Variants in IFT140 observed in about 807,000 individuals in gnomAD.
IFT140 encodes the protein intraflagellar transport 140.
IFT140 carries 133 observed loss-of-function variants against 164.6 expected under a neutral mutation model. The ratio of observed to expected loss-of-function variants is 0.81; its 90% CI spans 0.70 to 0.93. The LOEUF is 0.93. IFT140 is among the 40% of genes least tolerant of loss of function. The pLI, the probability that IFT140 is intolerant of heterozygous loss-of-function variation, is 0.00. For missense variants in IFT140, 2,045 were observed against 1,972.3 expected, an observed-to-expected ratio of 1.04 and a Z score of -0.70; for synonymous variants, 860 against 817.3, an observed-to-expected ratio of 1.05 and a Z score of -0.89.
intron 9 of IFT140, among the ~76,000 whole-genome samples, chr16:1,586,932 C>T (rs1298884202): frequency 6.6e-6 from 1 of 152,178 alleles, no homozygotes; most frequent in Non-Finnish European, 1.5e-5. Flanking sequence ...GTCTTGAACT[C>T]CTGGGCTCAA....
rs1422518873 is a variant in IFT140 at position 1,510,893 on chromosome 16, T to C, written c.*51A>G. ...GCTTTGCCACAGCTGACAAAAAAAT[T>C]CCAGAAGATGCCTTTCTGCAGCAGC... On this transcript the variant is annotated 3_prime_UTR_variant, in exon 31 of 31. Transcript: ENST00000426508. The C allele has an allele frequency of 1.3e-6, 2 of 1,543,192 alleles. No homozygotes were observed. The highest frequency in any genetic ancestry group is 2.3e-5 in the East Asian group (1 of 43,090).
Position 1,568,315 on chromosome 16 carries a change from T to C in IFT140, c.1672A>G (p.Ser558Gly), listed in dbSNP as rs1198736891. 6.2e-7 allele frequency: 1 copy of C among 1,613,648 alleles called. No homozygotes were observed. The highest frequency in any genetic ancestry group is 8.5e-7 in the Non-Finnish European group (1 of 1,179,982). The change falls in exon 15 of 31, where the codon AGC becomes GGC. Residue 558 changes from serine (S) to glycine (G), a missense_variant. Physicochemically the swap from Ser to Gly is moderately conservative, Grantham distance 56 (BLOSUM62 0). Coordinates refer to ENST00000426508, the MANE Select transcript of IFT140 (RefSeq NM_014714.4). ...ACCAGCTCCGCCAGGCTCCTGCAGC[T>C]ACAGTGTGCTTTGGCCTCTCTGCAG... The part of the protein sequence containing the change: ...LSRREAKAHC[S>G]CRSLAELVPG...
At chr16:1,575,506 T>C (rs894926035) in intron 13 of IFT140, among the ~76,000 whole-genome samples, 13 of 151,730 alleles carry the variant, frequency 8.6e-5, no homozygotes, top group African/African-American at 2.9e-4. Flanking sequence ...TGAGCTATGA[T>C]TGCCACTGCA....
At position 1,525,344 on chromosome 16, in the gene IFT140, A is replaced by G. The variant is rs2040656171; in HGVS notation, c.2769-18T>C. On this transcript the variant is annotated intron_variant, in intron 21 of 30. Coordinates refer to ENST00000426508, the MANE Select transcript of IFT140 (RefSeq NM_014714.4). ...TCTCGTAGCTGTGAGAGAAGGAGAC[A>G]GAGGTCCTCGTTCCCTCCCATCCCA... 1 of 1,594,974 alleles carries G rather than the reference A, an allele frequency of 6.3e-7. No homozygotes were observed. The highest frequency in any genetic ancestry group is 1.1e-5 in the South Asian group (1 of 90,830).
intron 30 of IFT140, among the ~76,000 whole-genome samples, chr16:1,513,483 G>T (rs1028856124): frequency 5.9e-5 from 9 of 151,946 alleles, no homozygotes; most frequent in African/African-American, 2.2e-4. Flanking sequence ...CTGGGCAACA[G>T]AGCAAGACTG....
intron 19 of IFT140, among the ~76,000 whole-genome samples, chr16:1,527,865 G>A (rs1227492612): frequency 2.0e-5 from 3 of 152,170 alleles, no homozygotes; most frequent in Non-Finnish European, 2.9e-5. Context: ...GGGCCACCGC[G>A]CCCAGCCCCC....
chr16:1,518,492 A>AT, intron 29 of IFT140, 135 bp from the exon 30 acceptor site: 1 of 799,236 alleles, frequency 1.3e-6, no homozygotes, highest in Non-Finnish European at 1.9e-6. Context: ...AGTTAAATTC[A>AT]TTAATTCCTT....
intron 4 of IFT140, among the ~76,000 whole-genome samples, chr16:1,595,323 A>C (rs1376266928): frequency 2.6e-5 from 4 of 151,100 alleles, no homozygotes; most frequent in African/African-American, 9.7e-5. Flanking sequence ...AAATAAAATA[A>C]AGGAAACTTA....
chr16:1,526,226 C>G (rs1204425931), intron 20 of IFT140, 149 bp from the exon 21 acceptor site: 1 of 754,634 alleles, frequency 1.3e-6, no homozygotes, highest in African/African-American at 1.8e-5. Context: ...GCAAACGCCA[C>G]ACACCCACGG....
At chr16:1,602,633 A>G (rs747304177) in intron 3 of IFT140, 42 bp from the exon 4 acceptor site, 2 of 1,573,738 alleles carry the variant, frequency 1.3e-6, no homozygotes, top group Non-Finnish European at 1.7e-6. Flanking sequence ...TCAGAGAGGG[A>G]CAGCTACTTT....
In IFT140 at chr16:1,533,658, A is replaced by G. The variant is rs2030746771; in HGVS notation, c.2400-6862T>C. 1.3e-5 allele frequency: 2 copies of G among 152,368 alleles called. No homozygotes were observed. Among genetic ancestry groups the G allele is most frequent in the Non-Finnish European group, 2.9e-5 (2 of 68,138 alleles). The allele number at this position is 152,368 out of a possible 1,614,324, so 9.4% of individuals were successfully genotyped here. On this transcript the variant is annotated intron_variant, in intron 19 of 30. Transcript: ENST00000426508. The surrounding 1 kb of genome is among the most constrained non-coding windows in gnomAD (Gnocchi z 4.7). ...TTCCAGCTCACCAAAAACAGTCTCA[A>G]AAACAACCATTTCCTCTCTGCTGAG...
intron 7 of IFT140, among the ~76,000 whole-genome samples, chr16:1,588,929 C>T (rs2035036378): frequency 6.6e-6 from 1 of 152,176 alleles, no homozygotes; most frequent in African/African-American, 2.4e-5. Flanking sequence ...TCCCTCCCTG[C>T]CCTGTGGGGA....
At chr16:1,568,468 G>A (rs1198593019) in intron 14 of IFT140, 134 bp from the exon 15 acceptor site, 2 of 698,678 alleles carry the variant, frequency 2.9e-6, no homozygotes, top group Non-Finnish European at 4.8e-6. Flanking sequence ...TGGCGCGTGT[G>A]CACCATGAGG....
chr16:1,539,230 C>T (rs559921787), intron 19 of IFT140, among the ~76,000 whole-genome samples: 3,164 of 150,852 alleles, frequency 0.021, 114 homozygotes, highest in African/African-American at 0.072. Context: ...ACCCAAGCCT[C>T]AGGACTCACC....
intron 19 of IFT140, chr16:1,541,224 C>G: frequency 1.0e-6 from 1 of 985,422 alleles, no homozygotes; most frequent in Non-Finnish European, 1.2e-6. Flanking sequence ...CAGGCCCTGA[C>G]TTAAGCCACT....
At chr16:1,534,923 G>A (rs752819376) in intron 19 of IFT140, among the ~76,000 whole-genome samples, 5 of 152,134 alleles carry the variant, frequency 3.3e-5, no homozygotes, top group African/African-American at 4.8e-5. Context: ...TAATTATTAC[G>A]GCTGGGCGCA....
intron 19 of IFT140, among the ~76,000 whole-genome samples, chr16:1,542,366 G>A (rs11649407): frequency 0.15 from 22,332 of 152,290 alleles, 1,827 homozygotes; most frequent in Admixed American, 0.23. Flanking sequence ...TTGCTTTCCT[G>A]AGTCTGTGGG....
chr16:1,553,812 A>T lies in IFT140; in HGVS notation c.2399+4123T>A. ...TCCTAGAGCCTATGTTTCCAGCTGGATTAGGACGCCCGGCTCCATCGCTGC... is the reference window on the plus strand; with the variant it reads ...TCCTAGAGCCTATGTTTCCAGCTGGTTTAGGACGCCCGGCTCCATCGCTGC... On this transcript the variant is annotated intron_variant, in intron 19 of 30. Transcript: ENST00000426508. The surrounding 1 kb of genome is among the most constrained non-coding windows in gnomAD (Gnocchi z 4.4). The T allele has an allele frequency of 8.3e-7, 1 of 1,201,894 alleles. No individual in the cohort carries two copies. Among genetic ancestry groups the T allele is most frequent in the South Asian group, 1.5e-5 (1 of 65,886 alleles). 74.5% of individuals were successfully genotyped at this position (1,201,894 alleles called of 1,614,324 possible).
At chr16:1,556,830 G>T (rs1427431328) in intron 19 of IFT140, among the ~76,000 whole-genome samples, 1 of 152,046 alleles carries the variant, frequency 6.6e-6, no homozygotes, top group East Asian at 1.9e-4. Context: ...TTTTCTTTTG[G>T]ACGGAGTCTC....
Sources: allele counts gnomAD v4.1 joint callset (sites outside exome capture counted in the v4.1 genomes callset), GRCh38; gene constraint gnomAD v4.1.1; non-coding constraint Gnocchi (gnomAD v3.1); transcripts MANE v1.5; gene names NCBI Gene and HGNC (gene_info 2026-07-23, HGNC 2026-07-21).